The following MACC1 variants were observed in gnomAD, a reference collection of about 807,000 sequenced individuals.
The protein encoded by MACC1 is MET transcriptional regulator MACC1.
Under a neutral mutation model 70.7 loss-of-function variants are expected in MACC1, and 79 were observed. The observed-to-expected ratio is 1.12, with a 90% CI of 0.93 to 1.35. MACC1 has a LOEUF of 1.35. MACC1 is among the 40% of genes most tolerant of loss of function. MACC1 has a pLI of 0.00. For missense variants in MACC1, 1,106 were observed against 978.1 expected (o/e 1.13, Z -1.74); for synonymous variants, 361 against 347.2 (o/e 1.04, Z -0.44).
intron 1 of MACC1, among the ~76,000 whole-genome samples, chr7:20,172,728 C>T (rs10085691): frequency 0.13 from 20,201 of 152,150 alleles, 1,436 homozygotes; most frequent in Non-Finnish European, 0.15. Flanking sequence ...ATCACTTAAC[C>T]GCCCAAAGTG....
chr7:20,185,967 T>C (rs73685446), intron 1 of MACC1, among the ~76,000 whole-genome samples: 1,726 of 152,248 alleles, frequency 0.011, 32 homozygotes, highest in African/African-American at 0.04. Flanking sequence ...GGGTCCACAT[T>C]CTCTATGACT....
At chr7:20,188,202 C>T (rs917767968) in intron 1 of MACC1, among the ~76,000 whole-genome samples, 1 of 152,184 alleles carries the variant, frequency 6.6e-6, no homozygotes, top group African/African-American at 2.4e-5. Flanking sequence ...GAGGATTATT[C>T]CAATTCAAGG....
chr7:20,173,147 A>G (rs1202665441), intron 1 of MACC1, among the ~76,000 whole-genome samples: 3 of 152,214 alleles, frequency 2.0e-5, no homozygotes, highest in Non-Finnish European at 4.4e-5. Context: ...GGCTTCATTT[A>G]TTTTTATAAA....
chr7:20,160,797 C>T (rs1452578193), intron 4 of MACC1, among the ~76,000 whole-genome samples: 9 of 151,734 alleles, frequency 5.9e-5, no homozygotes, highest in Non-Finnish European at 1.3e-4. Context: ...AAACAATATG[C>T]TAAGTTAGAA....
At chr7:20,165,202 C>T (rs2128103631) in intron 2 of MACC1, among the ~76,000 whole-genome samples, 1 of 152,282 alleles carries the variant, frequency 6.6e-6, no homozygotes, top group East Asian at 1.9e-4. Flanking sequence ...ACCAGGATCA[C>T]TTGGAAGGCT....
chr7:20,183,282 T>C (rs1782537683), intron 1 of MACC1, among the ~76,000 whole-genome samples: 1 of 152,222 alleles, frequency 6.6e-6, no homozygotes, highest in African/African-American at 2.4e-5. Context: ...CTCTAAGAGC[T>C]GAGAGTGGCC....
chr7:20,168,921 C>T (rs1782261145), intron 2 of MACC1, among the ~76,000 whole-genome samples: 1 of 152,146 alleles, frequency 6.6e-6, no homozygotes, highest in African/African-American at 2.4e-5. Flanking sequence ...ATAGGAGTCA[C>T]GTTCTCTTGT....
chr7:20,153,907 A>G (rs73683392), intron 6 of MACC1, among the ~76,000 whole-genome samples: 8,662 of 152,214 alleles, frequency 0.057, 829 homozygotes, highest in African/African-American at 0.2. Flanking sequence ...TCTTATAGCC[A>G]TCCCCACTTA....
intron 1 of MACC1, among the ~76,000 whole-genome samples, chr7:20,216,017 C>A (rs137995633): frequency 3.3e-5 from 5 of 152,060 alleles, no homozygotes; most frequent in Non-Finnish European, 7.4e-5. Flanking sequence ...TGTACACTAC[C>A]CATGAAATCA....
intron 1 of MACC1, among the ~76,000 whole-genome samples, chr7:20,178,037 TG>T (rs1782423718): frequency 6.6e-6 from 1 of 152,176 alleles, no homozygotes; most frequent in Non-Finnish European, 1.5e-5. Flanking sequence ...ATGAATAAAA[TG>T]TTCAATAGCT....
At position 20,159,862 on chromosome 7, in the gene MACC1, C is replaced by T. The variant is rs557081871; in HGVS notation, c.499G>A (p.Asp167Asn). Residue 167 changes from aspartate (D) to asparagine (N), a missense_variant, in exon 5 of 7, where the codon GAC (aspartate) becomes AAC (asparagine). By Grantham distance (23) the Asp-to-Asn change is conservative (BLOSUM62 1). Coordinates refer to ENST00000400331, the MANE Select transcript of MACC1 (RefSeq NM_182762.4). ...CGATCATTTTTAAGCCACTCTAAGT[C>T]GTGTAGTAGGATCTGGTCAGAGTTA... ...IHNSDQILLH[D>N]LEWLKNDREA... 1.2e-6 allele frequency: 2 copies of T among 1,614,108 alleles called. No individual in the cohort carries two copies. The highest frequency in any genetic ancestry group is 4.5e-5 in the East Asian group (2 of 44,872).
chr7:20,211,106 T>C (rs1270299405), intron 1 of MACC1, among the ~76,000 whole-genome samples: 1 of 152,194 alleles, frequency 6.6e-6, no homozygotes, highest in African/African-American at 2.4e-5. Flanking sequence ...AATAATTTGA[T>C]GTCTCTCTTC....
intron 1 of MACC1, among the ~76,000 whole-genome samples, chr7:20,177,863 T>C (rs1471577607): frequency 6.6e-6 from 1 of 152,124 alleles, no homozygotes; most frequent in African/African-American, 2.4e-5. Flanking sequence ...CAGCCCCAAA[T>C]TGTTGGACTT....
chr7:20,161,924 G>C lies in MACC1; in HGVS notation c.-8-54C>G, dbSNP rs535830834. On this transcript the variant is annotated intron_variant, in intron 3 of 6. Transcript: ENST00000400331. ...GTAAGCATACATATACAGGCTGGCA[G>C]AGAAAATAAACTCAAAGACATCATA... The C allele has an allele frequency of 1.8e-5, 19 of 1,077,984 alleles. No homozygotes were observed. In the East Asian group the frequency reaches 4.6e-4, roughly 26 times the overall value. The allele number at this position is 1,077,984 out of a possible 1,614,324, so 66.8% of individuals were successfully genotyped here.
intron 1 of MACC1, among the ~76,000 whole-genome samples, chr7:20,196,332 C>T (rs542960262): frequency 1.3e-5 from 2 of 152,212 alleles, no homozygotes; most frequent in South Asian, 2.1e-4. Context: ...AGGCGCCCGC[C>T]ACCACGCCCG....
At chr7:20,210,666 T>C (rs1376666222) in intron 1 of MACC1, among the ~76,000 whole-genome samples, 2 of 152,290 alleles carry the variant, frequency 1.3e-5, no homozygotes, top group East Asian at 3.9e-4. Context: ...TTTGCCCCCA[T>C]TTCCCCAAGT....
chr7:20,177,914 A>G (rs1358828960), intron 1 of MACC1, among the ~76,000 whole-genome samples: 1 of 152,104 alleles, frequency 6.6e-6, no homozygotes, highest in African/African-American at 2.4e-5. Flanking sequence ...TCACCTTTAA[A>G]TAGTTGAGTT....
chr7:20,171,278 G>A (rs535538631), intron 1 of MACC1, among the ~76,000 whole-genome samples: 1 of 149,976 alleles, frequency 6.7e-6, no homozygotes, highest in South Asian at 2.1e-4. Flanking sequence ...TTGAGGTGGA[G>A]TCTTGCTCTG....
intron 1 of MACC1, among the ~76,000 whole-genome samples, chr7:20,210,538 T>G (rs919817795): frequency 6.6e-6 from 1 of 152,250 alleles, no homozygotes; most frequent in Non-Finnish European, 1.5e-5. Context: ...TACGTCACAG[T>G]GACCTATATT....
Sources: allele counts gnomAD v4.1 joint callset (sites outside exome capture counted in the v4.1 genomes callset), GRCh38; gene constraint gnomAD v4.1.1; transcripts MANE v1.5; gene names NCBI Gene and HGNC (gene_info 2026-07-23, HGNC 2026-07-21).